The following ISX variants were observed in gnomAD, a reference collection of about 807,000 sequenced individuals.
The protein encoded by ISX is intestine-specific homeobox.
Under a neutral mutation model 16.9 loss-of-function variants are expected in ISX, and 15 were observed. The observed-to-expected ratio is 0.89, with a 90% CI of 0.59 to 1.36. The LOEUF is 1.36. ISX is among the 40% of genes most tolerant of loss of function. The probability of loss-of-function intolerance (pLI) is 0.00; values close to 1 mark genes in which losing one functional copy is unlikely to be tolerated. For synonymous variants in ISX, 125 were observed against 119.7 expected, an observed-to-expected ratio of 1.04 and a Z score of -0.29; for missense variants, 316 against 306.1, an observed-to-expected ratio of 1.03 and a Z score of -0.24.
chr22:35,073,199 G>C (rs991872534), intron 2 of ISX, among the ~76,000 whole-genome samples: 1 of 152,264 alleles, frequency 6.6e-6, no homozygotes, highest in Admixed American at 6.5e-5. Context: ...ACCAAGCTGG[G>C]CCCACTTAAG....
intron 2 of ISX, among the ~76,000 whole-genome samples, chr22:35,080,183 C>T (rs1018652044): frequency 2.2e-4 from 34 of 152,242 alleles, no homozygotes; most frequent in African/African-American, 7.2e-4. Flanking sequence ...GTGAAGGCAC[C>T]GCAAACTTGC....
intron 2 of ISX, among the ~76,000 whole-genome samples, chr22:35,073,955 C>A (rs713845): frequency 6.6e-6 from 1 of 151,980 alleles, no homozygotes; most frequent in Non-Finnish European, 1.5e-5. Flanking sequence ...TATCTTAGGC[C>A]AGCTAAAATG....
rs76080304 is a variant in ISX, at chr22:35,072,282, C to T, written c.229+4966C>T. The stretch of plus-strand genomic sequence containing the variant: ...TGGCCCCTACCTGCAAAAAAGAGCA[C>T]GGTATTAGTGTGGGGTCCCCCAAAA... On this transcript the variant is annotated intron_variant, in intron 2 of 4. Coordinates refer to ENST00000404699, the MANE Select transcript of ISX (RefSeq NM_001303508.2). Among the ~76,000 whole-genome samples, 1,251 of 152,232 alleles carry T rather than the reference C, an allele frequency of 8.2e-3. 12 individuals are homozygous for T. The highest frequency in any genetic ancestry group is 0.028 in the African/African-American group (1,150 of 41,532).
At chr22:35,072,727 A>T (rs4820177) in intron 2 of ISX, among the ~76,000 whole-genome samples, 1 of 151,684 alleles carries the variant, frequency 6.6e-6, no homozygotes, top group African/African-American at 2.4e-5. Flanking sequence ...TAGCCACTGA[A>T]TATCTACTGC....
intron 2 of ISX, 113 bp from the exon 3 acceptor site, chr22:35,082,405 G>C: frequency 9.8e-7 from 1 of 1,023,636 alleles, no homozygotes; most frequent in Non-Finnish European, 1.5e-6. Flanking sequence ...GAAGCCAGGG[G>C]CCAAGGCTCG....
At chr22:35,067,352 G>A (rs1306010764) in intron 2 of ISX, 36 bp downstream of exon 2, 9 of 1,451,946 alleles carry the variant, frequency 6.2e-6, no homozygotes, top group Non-Finnish European at 8.5e-6. Flanking sequence ...CTGTTTCCTG[G>A]TCTCCAAGAC....
intron 2 of ISX, among the ~76,000 whole-genome samples, chr22:35,079,471 C>T (rs1929070538): frequency 6.6e-6 from 1 of 152,136 alleles, no homozygotes; most frequent in Non-Finnish European, 1.5e-5. Flanking sequence ...GAGCCAGTTC[C>T]TCAGCTGGTC....
At chr22:35,079,818 C>A (rs1601560185) in intron 2 of ISX, among the ~76,000 whole-genome samples, 1 of 152,302 alleles carries the variant, frequency 6.6e-6, no homozygotes, top group Admixed American at 6.5e-5. Context: ...CAGGGACAAT[C>A]TGCAGTCCAA....
chr22:35,077,768 T>C (rs977707434), intron 2 of ISX, among the ~76,000 whole-genome samples: 3 of 152,224 alleles, frequency 2.0e-5, no homozygotes, highest in African/African-American at 7.2e-5. Flanking sequence ...CAGGTTGTTT[T>C]GCAGAGCAGA....
At chr22:35,076,583 C>T (rs1281085169) in intron 2 of ISX, among the ~76,000 whole-genome samples, 2 of 152,102 alleles carry the variant, frequency 1.3e-5, no homozygotes, top group African/African-American at 2.4e-5. Context: ...ATGGTGAACC[C>T]ACTGTTTTCA....
intron 2 of ISX, among the ~76,000 whole-genome samples, chr22:35,070,313 C>T (rs1157133044): frequency 6.6e-6 from 1 of 152,200 alleles, no homozygotes; most frequent in East Asian, 1.9e-4. Context: ...CAGCCTCCTG[C>T]TCTCTCCTCC....
intron 2 of ISX, among the ~76,000 whole-genome samples, chr22:35,081,703 C>G (rs577900798): frequency 1.3e-5 from 2 of 152,176 alleles, no homozygotes; most frequent in Non-Finnish European, 2.9e-5. Flanking sequence ...ATCCATGACT[C>G]TAAGTCTCAG....
At position 35,067,247 on chromosome 22, in the gene ISX, G is replaced by A; in HGVS notation, c.160G>A (p.Glu54Lys). The A allele has an allele frequency of 1.2e-6, 2 of 1,607,070 alleles. No homozygotes were observed. Among genetic ancestry groups the A allele is most frequent in the Non-Finnish European group, 1.7e-6 (2 of 1,176,824 alleles). Reference sequence around the variant, plus strand: ...TATGGACAGACCAGAAGGGCCAGGTGAAGAGGGCCCCGGAGAAGCTGCGGC... The same window carrying A: ...TATGGACAGACCAGAAGGGCCAGGTAAAGAGGGCCCCGGAGAAGCTGCGGC... ...SDMDRPEGPG[E>K]EGPGEAAASG... The change falls in exon 2 of 5, where the codon GAA (glutamate) becomes AAA (lysine). Residue 54 changes from glutamate to lysine, a missense_variant. Coordinates refer to ENST00000404699, the MANE Select transcript of ISX (RefSeq NM_001303508.2).
Position 35,067,123 on chromosome 22 carries a change from T to C in ISX, c.36T>C (p.Gly12=), listed in dbSNP as rs774421891. The stretch of plus-strand genomic sequence containing the variant: ...AGGTGGGCCCTGCTCTCTGCAGGGG[T>C]ATGGAGAGAAATAGCTTGGGGTGCT... The part of the protein sequence containing the change: ...CAEVGPALCR[G]MERNSLGCCE... Residue 12 remains glycine (G), a synonymous_variant, in exon 2 of 5, where the codon GGT becomes GGC. Coordinates refer to ENST00000404699, the MANE Select transcript of ISX (RefSeq NM_001303508.2). 10 of 1,613,732 alleles carry C rather than the reference T, an allele frequency of 6.2e-6. No homozygotes were observed. The South Asian group carries it at 1.1e-4, about 18-fold the overall frequency.
At chr22:35,079,955 G>T (rs186782246) in intron 2 of ISX, among the ~76,000 whole-genome samples, 2 of 152,174 alleles carry the variant, frequency 1.3e-5, no homozygotes, top group Non-Finnish European at 2.9e-5. Context: ...TACAGGCAAT[G>T]CTGGTTGAGT....
At chr22:35,067,437 G>A in intron 2 of ISX, 121 bp downstream of exon 2, 1 of 694,466 alleles carries the variant, frequency 1.4e-6, no homozygotes, top group Non-Finnish European at 2.4e-6. Context: ...TTCAGAGCAA[G>A]ACCTGGCTCT....
In ISX at chr22:35,087,230, G is replaced by A. The variant is rs1464631040; in HGVS notation, c.*1537G>A. 1 of 152,228 alleles carries A rather than the reference G, an allele frequency of 6.6e-6. No homozygotes were observed. Among genetic ancestry groups the A allele is most frequent in the Non-Finnish European group, 1.5e-5 (1 of 68,046 alleles). The allele number at this position is 152,228 out of a possible 1,614,324, so 9.4% of individuals were successfully genotyped here. On this transcript the variant is annotated 3_prime_UTR_variant, in exon 5 of 5. Transcript: ENST00000404699. ...CTATGAATGTGGATATCAACACCAG[G>A]TCTCTAGCACCGCTGGATGAAAGGA...
rs529940438 is a variant in ISX at position 35,083,554 on chromosome 22, G to A, written c.382-829G>A. Among the ~76,000 whole-genome samples the A allele has an allele frequency of 1.4e-4, 22 of 152,304 alleles. No individual in the cohort carries two copies. In the East Asian group the frequency reaches 3.5e-3, roughly 24 times the overall value. On this transcript the variant is annotated intron_variant, in intron 3 of 4. Transcript: ENST00000404699. ...TGCAAGTGCCACCCTAGCACACGAC[G>A]TTCCACCAGATCTCACTGTGGCACC...
In ISX at chr22:35,085,478, C is replaced by T. The variant is rs1409199900; in HGVS notation, c.523C>T (p.Leu175=). ...GGGGCCCACGTGGACATCCACTGCT[C>T]TGCGCAGGCTGGCTCCTCCCACGAG... ...VAGPTWTSTA[L]RRLAPPTSCC... The change falls in exon 5 of 5, where the codon CTG becomes TTG. Residue 175 remains leucine (L), a synonymous_variant. Coordinates refer to ENST00000404699, the MANE Select transcript of ISX (RefSeq NM_001303508.2). 6.2e-6 allele frequency: 10 copies of T among 1,614,098 alleles called. No individual in the cohort carries two copies. The highest frequency in any genetic ancestry group is 5.0e-5 in the Admixed American group (3 of 60,008).
Sources: allele counts gnomAD v4.1 joint callset (sites outside exome capture counted in the v4.1 genomes callset), GRCh38; gene constraint gnomAD v4.1.1; transcripts MANE v1.5; gene names NCBI Gene and HGNC (gene_info 2026-07-23, HGNC 2026-07-21).